The following MAP7 variants were observed in gnomAD, a reference collection of about 807,000 sequenced individuals.
The protein encoded by MAP7 is microtubule associated protein 7.
Under a neutral mutation model 94.8 loss-of-function variants are expected in MAP7, and 52 were observed. The ratio of observed to expected loss-of-function variants is 0.55; its 90% CI spans 0.44 to 0.69. MAP7 has a LOEUF of 0.69. Ranked by LOEUF, MAP7 falls within the 30% of genes least tolerant of loss-of-function variation. MAP7 has a pLI of 0.00. For missense variants in MAP7, 940 were observed against 964.6 expected, an observed-to-expected ratio of 0.97 and a Z score of 0.34; for synonymous variants, 350 against 357.0, an observed-to-expected ratio of 0.98 and a Z score of 0.22.
intron 3 of MAP7, among the ~76,000 whole-genome samples, chr6:136,399,728 C>T (rs1429013032): frequency 6.6e-6 from 1 of 152,130 alleles, no homozygotes; most frequent in Non-Finnish European, 1.5e-5. Context: ...GTTGTGATTA[C>T]TTATATTCAA....
At chr6:136,428,757 C>T (rs895483167) in intron 1 of MAP7, among the ~76,000 whole-genome samples, 3 of 152,234 alleles carry the variant, frequency 2.0e-5, no homozygotes, top group South Asian at 2.1e-4. Context: ...AATGGAACAT[C>T]GGCATTCAGT....
chr6:136,430,597 G>A (rs1014947468), intron 1 of MAP7, among the ~76,000 whole-genome samples: 6 of 152,116 alleles, frequency 3.9e-5, no homozygotes, highest in African/African-American at 1.4e-4. Flanking sequence ...AATTTCTTAT[G>A]TAAACTTCGT....
chr6:136,454,272 GATCT>G (rs57308742), intron 1 of MAP7, among the ~76,000 whole-genome samples: 3,612 of 141,434 alleles, frequency 0.026, 75 homozygotes, highest in African/African-American at 0.056. Flanking sequence ...CTACCTAAAT[GATCT>G]ATCTATCTAT....
chr6:136,366,421 C>G lies in MAP7; in HGVS notation c.895G>C (p.Glu299Gln), dbSNP rs773240434. 6 of 1,613,044 alleles carry G rather than the reference C, an allele frequency of 3.7e-6. No homozygotes were observed. In the East Asian group the frequency reaches 1.3e-4, roughly 36 times the overall value. The change falls in exon 9 of 18, where the codon GAG (glutamate) becomes CAG (glutamine). Residue 299 changes from glutamate (E) to glutamine (Q), a missense_variant. Coordinates refer to ENST00000354570, the MANE Select transcript of MAP7 (RefSeq NM_003980.6). ...GTGAGGAAGAGTACATTTTCTCTCT[C>G]TCTTTCTTTTTTATAGCTCTAAGTT... ...HGTASYKKERERENVLFLTSG... is the reference protein window; with the variant it reads ...HGTASYKKERQRENVLFLTSG...
chr6:136,382,258 T>A (rs937367495), intron 6 of MAP7, among the ~76,000 whole-genome samples: 1 of 152,218 alleles, frequency 6.6e-6, no homozygotes, highest in East Asian at 1.9e-4. Context: ...GTTTGTTGTC[T>A]AGCTCCCTAC....
At chr6:136,438,991 T>G (rs1797112196) in intron 1 of MAP7, among the ~76,000 whole-genome samples, 1 of 152,228 alleles carries the variant, frequency 6.6e-6, no homozygotes, top group Non-Finnish European at 1.5e-5. Flanking sequence ...AGTTACAATG[T>G]GCAACTGTTT....
intron 1 of MAP7, among the ~76,000 whole-genome samples, chr6:136,512,268 A>G (rs1823510467): frequency 6.6e-6 from 1 of 152,268 alleles, no homozygotes; most frequent in Non-Finnish European, 1.5e-5. Flanking sequence ...GGCTTCTGCC[A>G]TCTGGCTTAG....
chr6:136,472,778 T>C (rs1310289664), intron 1 of MAP7, among the ~76,000 whole-genome samples: 2 of 152,122 alleles, frequency 1.3e-5, no homozygotes, highest in East Asian at 3.9e-4. Context: ...ATTACCACTT[T>C]GCTTCCAGCT....
intron 1 of MAP7, among the ~76,000 whole-genome samples, chr6:136,511,095 G>A (rs1012528456): frequency 1.3e-5 from 2 of 152,132 alleles, no homozygotes; most frequent in African/African-American, 4.8e-5. Context: ...TTATGGCAGT[G>A]GAGTGAGAAT....
At chr6:136,489,966 C>A (rs1237445004) in intron 1 of MAP7, among the ~76,000 whole-genome samples, 1 of 152,018 alleles carries the variant, frequency 6.6e-6, no homozygotes, top group Non-Finnish European at 1.5e-5. Context: ...CTGAAGTCAG[C>A]CAAATATATA....
At chr6:136,414,252 C>CACAAAAAAAAAAAAAAAAAAA (rs1788553683) in intron 2 of MAP7, among the ~76,000 whole-genome samples, 1 of 15,932 alleles carries the variant, frequency 6.3e-5, no homozygotes, top group East Asian at 1.8e-3. Context: ...GACTCCGTCT[C>CACAAAAAAAAAAAAAAAAAAA]AAAAAAAAAA....
At chr6:136,447,363 G>C (rs779542918) in intron 1 of MAP7, among the ~76,000 whole-genome samples, 2 of 152,206 alleles carry the variant, frequency 1.3e-5, no homozygotes, top group Non-Finnish European at 2.9e-5. Flanking sequence ...CTTAGGGACA[G>C]ATTGTGATCC....
chr6:136,415,323 T>C (rs1248370862), intron 2 of MAP7, among the ~76,000 whole-genome samples: 1 of 152,200 alleles, frequency 6.6e-6, no homozygotes, highest in African/African-American at 2.4e-5. Context: ...TTATGGAAAG[T>C]CTGTAAAATA....
chr6:136,427,653 C>T (rs1793561795), intron 1 of MAP7, among the ~76,000 whole-genome samples: 2 of 152,190 alleles, frequency 1.3e-5, no homozygotes. Context: ...TAAATAGGAT[C>T]ATCTGATAAT....
chr6:136,377,955 G>A lies in MAP7; in HGVS notation c.638-87C>T, dbSNP rs776736315. ...TACATCGTACCTATTGCTTCCATACGCTGGGCCTTCACAGGACCAGGCTCT... is the reference window on the plus strand; with the variant it reads ...TACATCGTACCTATTGCTTCCATACACTGGGCCTTCACAGGACCAGGCTCT... On this transcript the variant is annotated intron_variant, in intron 6 of 17. Coordinates refer to ENST00000354570, the MANE Select transcript of MAP7 (RefSeq NM_003980.6). 2.6e-5 allele frequency: 24 copies of A among 938,436 alleles called. 1 individual carries two copies. The South Asian group carries it at 2.7e-4, about 11-fold the overall frequency. The allele number at this position is 938,436 out of a possible 1,614,324, so 58.1% of individuals were successfully genotyped here.
At chr6:136,493,827 T>C (rs1450928616) in intron 1 of MAP7, among the ~76,000 whole-genome samples, 1 of 152,208 alleles carries the variant, frequency 6.6e-6, no homozygotes, top group Non-Finnish European at 1.5e-5. Flanking sequence ...AGTCTAAGAA[T>C]GGCATTAGAC....
intron 16 of MAP7, among the ~76,000 whole-genome samples, chr6:136,355,728 A>C (rs1182082415): frequency 6.6e-6 from 1 of 152,260 alleles, no homozygotes; most frequent in Non-Finnish European, 1.5e-5. Context: ...CATTAAAGAC[A>C]GGAAGACTCA....
chr6:136,429,654 C>T lies in MAP7; in HGVS notation c.68-7855G>A, dbSNP rs114579082. On this transcript the variant is annotated intron_variant, in intron 1 of 17. Transcript: ENST00000354570. The stretch of plus-strand genomic sequence containing the variant: ...GGGGGAATCACCCACTAAGCTCTTT[C>T]GTTTACCACTAAAAGCAGCTCCTCG... Among the ~76,000 whole-genome samples the T allele has an allele frequency of 4.4e-3, 672 of 152,314 alleles. 6 individuals are homozygous for T. Among genetic ancestry groups the T allele is most frequent in the African/African-American group, 0.015 (640 of 41,578 alleles).
chr6:136,537,724 G>A (rs1828993783), intron 1 of MAP7, among the ~76,000 whole-genome samples: 2 of 152,046 alleles, frequency 1.3e-5, no homozygotes, highest in African/African-American at 4.8e-5. Context: ...GAGCATTGCT[G>A]GGAGAATCTA....
Sources: gnomAD v4.1 joint callset for allele counts (sites outside exome capture counted in the v4.1 genomes callset) on GRCh38, gnomAD v4.1.1 for gene constraint, MANE v1.5 for transcripts, NCBI Gene and HGNC (gene_info 2026-07-23, HGNC 2026-07-21) for gene names.